The following HMCN1 variants were observed in gnomAD, a reference collection of about 807,000 sequenced individuals.
HMCN1 encodes hemicentin 1, also known as hemicentin-1.
A neutral mutation model predicts 625.9 loss-of-function variants in HMCN1; 321 were observed. The observed-to-expected ratio is 0.51, with a 90% CI of 0.47 to 0.56. HMCN1 has a LOEUF of 0.56. Ranked by LOEUF, HMCN1 falls within the 20% of genes least tolerant of loss-of-function variation. The pLI, the probability that HMCN1 is intolerant of heterozygous loss-of-function variation, is 0.00. For missense variants in HMCN1, 6,588 were observed against 6,887.3 expected (o/e 0.96, Z 1.54); for synonymous variants, 2,425 against 2,417.6 (o/e 1.00, Z -0.09).
intron 11 of HMCN1, among the ~76,000 whole-genome samples, chr1:185,948,022 T>A (rs1429973456): frequency 6.6e-6 from 1 of 152,202 alleles, no homozygotes; most frequent in Non-Finnish European, 1.5e-5. Flanking sequence ...GTAGGCACAC[T>A]GTTAGGATGG....
intron 1 of HMCN1, among the ~76,000 whole-genome samples, chr1:185,816,520 A>G (rs1231015287): frequency 6.6e-6 from 1 of 152,338 alleles, no homozygotes; most frequent in South Asian, 2.1e-4. Context: ...CACCATGCCC[A>G]TGACAGAATA....
chr1:185,822,692 G>T (rs896012445), intron 1 of HMCN1, among the ~76,000 whole-genome samples: 1 of 151,990 alleles, frequency 6.6e-6, no homozygotes, highest in Non-Finnish European at 1.5e-5. Context: ...GAGATTCAAG[G>T]GCAAAGTAGT....
chr1:185,921,077 T>A (rs1343596896), intron 6 of HMCN1, among the ~76,000 whole-genome samples: 1 of 152,210 alleles, frequency 6.6e-6, no homozygotes, highest in African/African-American at 2.4e-5. Flanking sequence ...TTTCCTTTTT[T>A]AATTTATTAT....
At chr1:186,066,407 C>A (rs1054759925) in intron 49 of HMCN1, among the ~76,000 whole-genome samples, 1 of 152,098 alleles carries the variant, frequency 6.6e-6, no homozygotes, top group African/African-American at 2.4e-5. Flanking sequence ...AACTTCCAAT[C>A]TACCCGGCCA....
intron 4 of HMCN1, among the ~76,000 whole-genome samples, chr1:185,893,228 T>C (rs1665249404): frequency 6.6e-6 from 1 of 152,212 alleles, no homozygotes; most frequent in African/African-American, 2.4e-5. Flanking sequence ...CCTAGTGAGA[T>C]GAACCCGGTA....
chr1:185,930,907 T>TACACACAC (rs3030426), intron 10 of HMCN1, among the ~76,000 whole-genome samples: 2,604 of 139,006 alleles, frequency 0.019, 74 homozygotes, highest in African/African-American at 0.058. Context: ...TTTCACCCAA[T>TACACACAC]ACACACACAC....
At chr1:185,972,000 C>T (rs1411118445) in intron 15 of HMCN1, among the ~76,000 whole-genome samples, 1 of 152,160 alleles carries the variant, frequency 6.6e-6, no homozygotes, top group Non-Finnish European at 1.5e-5. Context: ...ATGTAAAACA[C>T]AGTAATGCTT....
chr1:186,116,882 G>A (rs757021941), intron 75 of HMCN1, 112 bp from the exon 76 acceptor site: 4 of 1,220,772 alleles, frequency 3.3e-6, no homozygotes, highest in Non-Finnish European at 4.8e-6. Flanking sequence ...ATTTTAACAT[G>A]AGGGAAGAGT....
chr1:185,904,817 G>C (rs776694343), intron 4 of HMCN1, among the ~76,000 whole-genome samples: 1 of 151,772 alleles, frequency 6.6e-6, no homozygotes, highest in Non-Finnish European at 1.5e-5. Flanking sequence ...CTGTATGCTT[G>C]CAGGTGTTAG....
intron 4 of HMCN1, among the ~76,000 whole-genome samples, chr1:185,899,708 G>A (rs1192129132): frequency 6.6e-6 from 1 of 152,128 alleles, no homozygotes; most frequent in Non-Finnish European, 1.5e-5. Flanking sequence ...CTGTTTAGCA[G>A]TGGTAAAACA....
chr1:185,762,905 T>G (rs1270291938), intron 1 of HMCN1, among the ~76,000 whole-genome samples: 4 of 152,198 alleles, frequency 2.6e-5, no homozygotes, highest in Non-Finnish European at 5.9e-5. Context: ...CTATTGTCCA[T>G]GTCCTTCTTG....
chr1:185,980,969 T>G lies in HMCN1; in HGVS notation c.2567-9T>G. On this transcript the variant is annotated splice_polypyrimidine_tract_variant and intron_variant, in intron 16 of 106. Transcript: ENST00000271588. ...GGTATTGGATGAGTAAATGAGTTCT[T>G]CCTTTTAGACTTATGGGCAAGTGAT... is the stretch of plus-strand genomic sequence containing the variant. The G allele has an allele frequency of 6.5e-7, 1 of 1,543,656 alleles. No individual in the cohort carries two copies. The highest frequency in any genetic ancestry group is 9.0e-7 in the Non-Finnish European group (1 of 1,115,924).
chr1:185,984,085 G>C (rs1453369068), intron 18 of HMCN1, 84 bp from the exon 19 acceptor site: 5 of 1,076,674 alleles, frequency 4.6e-6, no homozygotes, highest in Non-Finnish European at 6.9e-6. Context: ...AACCCAGTTG[G>C]GAAAAAAAGA....
chr1:186,045,540 C>A, intron 40 of HMCN1, 148 bp from the exon 41 acceptor site: 1 of 669,330 alleles, frequency 1.5e-6, no homozygotes, highest in South Asian at 1.7e-5. Context: ...GGACTTGAAC[C>A]AAGTGATGCA....
At chr1:185,803,205 C>CAAAAAAAAAAAAAAAAG (rs1658923219) in intron 1 of HMCN1, among the ~76,000 whole-genome samples, 1 of 58,756 alleles carries the variant, frequency 1.7e-5, no homozygotes, top group Admixed American at 2.6e-4. Context: ...AAAAAAAAAG[C>CAAAAAAAAAAAAAAAAG]AAAAAAAAAA....
At chr1:186,017,486 T>A (rs1654441659) in intron 33 of HMCN1, among the ~76,000 whole-genome samples, 1 of 144,398 alleles carries the variant, frequency 6.9e-6, no homozygotes. Flanking sequence ...GTTTACCAAT[T>A]TTTTTTCTTC....
rs75443565 is a variant in HMCN1, at chr1:185,769,717, T to C, written c.268+34670T>C. 3.2e-3 allele frequency among the ~76,000 whole-genome samples: 484 copies of C among 152,208 alleles called. 1 individual carries two copies. The highest frequency in any genetic ancestry group is 0.011 in the African/African-American group (466 of 41,530). ...TTTGGGCTGAACTCAGCTGGGCAGTTCTTTTGGTCTTGTCTGGTCTTACTG... is the reference window on the plus strand; with the variant it reads ...TTTGGGCTGAACTCAGCTGGGCAGTCCTTTTGGTCTTGTCTGGTCTTACTG... On this transcript the variant is annotated intron_variant, in intron 1 of 106. Coordinates refer to ENST00000271588, the MANE Select transcript of HMCN1 (RefSeq NM_031935.3).
At chr1:186,089,025 T>C (rs1014817586) in intron 63 of HMCN1, among the ~76,000 whole-genome samples, 1 of 152,034 alleles carries the variant, frequency 6.6e-6, no homozygotes, top group Non-Finnish European at 1.5e-5. Flanking sequence ...TTCTATAGTA[T>C]ATATCTATGG....
At chr1:186,117,343 C>G (rs771987916) in intron 76 of HMCN1, 116 bp from the exon 77 acceptor site, 20 of 1,278,716 alleles carry the variant, frequency 1.6e-5, no homozygotes, top group Non-Finnish European at 2.2e-5. Context: ...AATCCCTTTT[C>G]TACTTACCTA....
Sources: allele counts gnomAD v4.1 joint callset (sites outside exome capture counted in the v4.1 genomes callset), GRCh38; gene constraint gnomAD v4.1.1; transcripts MANE v1.5; gene names NCBI Gene and HGNC (gene_info 2026-07-23, HGNC 2026-07-21).